The following IRAG1 variants were observed in gnomAD, a reference collection of about 807,000 sequenced individuals.
IRAG1 encodes the protein inositol 1,4,5-triphosphate receptor associated 1.
A neutral mutation model predicts 106.2 loss-of-function variants in IRAG1; 62 were observed. That is an observed-to-expected ratio of 0.58 (90% CI 0.48 to 0.72). IRAG1 has a LOEUF of 0.72. Among genes scored for constraint, IRAG1 ranks in the 30% least tolerant of loss-of-function variants. The pLI is 0.00. For missense variants in IRAG1, 1,064 were observed against 1,140.7 expected, an observed-to-expected ratio of 0.93 and a Z score of 0.97; for synonymous variants, 462 against 443.9, an observed-to-expected ratio of 1.04 and a Z score of -0.51.
intron 2 of IRAG1, among the ~76,000 whole-genome samples, chr11:10,636,754 T>C (rs542540210): frequency 6.6e-6 from 1 of 152,034 alleles, no homozygotes; most frequent in Admixed American, 6.6e-5. Flanking sequence ...GTGAGGGGAG[T>C]TAAAGAAGAC....
At chr11:10,671,974 G>A (rs1480191878) in intron 1 of IRAG1, among the ~76,000 whole-genome samples, 1 of 152,008 alleles carries the variant, frequency 6.6e-6, no homozygotes, top group Non-Finnish European at 1.5e-5. Context: ...TCGTAATATA[G>A]TATGATACTA....
chr11:10,588,052 C>T (rs372311987), intron 18 of IRAG1, among the ~76,000 whole-genome samples: 3 of 152,250 alleles, frequency 2.0e-5, no homozygotes, highest in South Asian at 2.1e-4. Context: ...TGGCATACAG[C>T]GAGGTGCAGC....
intron 1 of IRAG1, among the ~76,000 whole-genome samples, chr11:10,685,276 G>A (rs969400045): frequency 6.6e-6 from 1 of 151,986 alleles, no homozygotes; most frequent in African/African-American, 2.4e-5. Context: ...GTGAAACCCT[G>A]TCTCTACTAA....
intron 15 of IRAG1, chr11:10,595,626 A>T (rs1259783208): frequency 6.6e-6 from 1 of 152,208 alleles, no homozygotes; most frequent in African/African-American, 2.4e-5. Flanking sequence ...GTGCTTATTT[A>T]GATTTACCCA....
chr11:10,693,721 G>A lies in IRAG1; in HGVS notation c.-119C>T. ...GACTTAGAGCCGAGAGCTCCTCTGG[G>A]AGCCCCACTCCGGCCTGGCTCGGGG... is the stretch of plus-strand genomic sequence containing the variant. On this transcript the variant is annotated 5_prime_UTR_variant, in exon 1 of 21. Coordinates refer to ENST00000423302, the MANE Select transcript of IRAG1 (RefSeq NM_130385.4). 8.2e-7 allele frequency: 1 copy of A among 1,214,674 alleles called. No homozygotes were observed. The highest frequency in any genetic ancestry group is 1.1e-6 in the Non-Finnish European group (1 of 872,376). 75.2% of individuals were successfully genotyped at this position (1,214,674 alleles called of 1,614,324 possible). A position where few individuals can be genotyped will look rare whatever the true frequency, so the allele number is the denominator to read the frequency against.
At chr11:10,593,212 C>CCTTGGCAGATTGTGGTGTA in intron 17 of IRAG1, 1 of 240,376 alleles carries the variant, frequency 4.2e-6, no homozygotes, top group Non-Finnish European at 8.2e-6. Flanking sequence ...ATTGTAACCA[C>CCTTGGCAGATTGTGGTGTA]CTTGGCAGAT....
At chr11:10,668,268 G>A (rs1209422917) in intron 1 of IRAG1, among the ~76,000 whole-genome samples, 1 of 152,224 alleles carries the variant, frequency 6.6e-6, no homozygotes, top group Non-Finnish European at 1.5e-5. Context: ...GACTTTGGCT[G>A]TTGACTTTCA....
intron 10 of IRAG1, chr11:10,611,699 C>A (rs751237264): frequency 7.9e-5 from 12 of 152,200 alleles, no homozygotes; most frequent in Non-Finnish European, 1.5e-4. Context: ...TGTAGAGCTT[C>A]CACCCATGAT....
chr11:10,615,009 C>T (rs1470657924), intron 10 of IRAG1, among the ~76,000 whole-genome samples: 3 of 152,244 alleles, frequency 2.0e-5, no homozygotes, highest in East Asian at 1.9e-4. Flanking sequence ...ACCTACAGAA[C>T]AGGAGAAAAT....
intron 1 of IRAG1, among the ~76,000 whole-genome samples, chr11:10,663,401 T>C (rs1379923095): frequency 5.9e-5 from 9 of 152,168 alleles, no homozygotes; most frequent in Admixed American, 5.2e-4. Flanking sequence ...TAGGAATATA[T>C]GTAGGAACTG....
In IRAG1 at chr11:10,623,851, G is replaced by T. The variant is rs777672599; in HGVS notation, c.1374C>A (p.His458Gln). The T allele has an allele frequency of 1.2e-6, 2 of 1,613,726 alleles. No homozygotes were observed. Among genetic ancestry groups the T allele is most frequent in the South Asian group, 1.1e-5 (1 of 91,086 alleles). ...MQKLTKLREE[H>Q]ILMRNQNLVG... ...CTAAGTTCTGATTTCTCATCAGGAT[G>T]TGCTCCTTTGTGGTAAAAGAAAGAG... Residue 458 changes from histidine (H) to glutamine (Q), a missense_variant, in exon 10 of 21, where the codon CAC (histidine) becomes CAA (glutamine). Transcript: ENST00000423302.
At chr11:10,591,217 G>A (rs1564894396) in intron 18 of IRAG1, among the ~76,000 whole-genome samples, 1 of 152,188 alleles carries the variant, frequency 6.6e-6, no homozygotes, top group Admixed American at 6.5e-5. Context: ...CATACCAGGA[G>A]CAGCTCTACC....
intron 13 of IRAG1, 110 bp downstream of exon 13, chr11:10,604,295 T>G (rs1564903043): frequency 2.2e-6 from 3 of 1,391,466 alleles, no homozygotes; most frequent in East Asian, 2.4e-5. Context: ...TTGGCTCAAT[T>G]TTTCACTTCA....
intron 12 of IRAG1, among the ~76,000 whole-genome samples, 200 bp from the exon 13 acceptor site, chr11:10,604,745 T>C (rs1054392064): frequency 6.6e-6 from 1 of 152,254 alleles, no homozygotes; most frequent in African/African-American, 2.4e-5. Context: ...AGGTCCACGC[T>C]AGGCCCTTCC....
Position 10,627,746 on chromosome 11 carries a change from G to A in IRAG1, c.720C>T (p.Ala240=), listed in dbSNP as rs35296427. 0.017 allele frequency: 27,967 copies of A among 1,613,828 alleles called. 368 individuals carry two copies. The highest frequency in any genetic ancestry group is 0.057 in the African/African-American group (4,283 of 74,990). Residue 240 remains alanine, a synonymous_variant, in exon 8 of 21, where the codon GCC becomes GCT. Transcript: ENST00000423302. ...PGAPPQKGDE[A]DVSSPHPGEP... is the part of the protein sequence containing the mutation. ...CGCCAGGGTGAGGTGAAGAGACGTC[G>A]GCCTCATCCCCCTTCTGCTGGAGAA... is the stretch of plus-strand genomic sequence containing the variant.
At chr11:10,625,310 G>A (rs1189899428) in intron 9 of IRAG1, among the ~76,000 whole-genome samples, 1 of 152,150 alleles carries the variant, frequency 6.6e-6, no homozygotes, top group Non-Finnish European at 1.5e-5. Context: ...AGACAGGACT[G>A]GTCAGAATTG....
chr11:10,583,421 G>A lies in IRAG1; in HGVS notation c.2241-1435C>T, dbSNP rs574192642. 6.6e-5 allele frequency among the ~76,000 whole-genome samples: 10 copies of A among 152,252 alleles called. No homozygotes were observed. The East Asian group carries it at 7.7e-4, about 12-fold the overall frequency. On this transcript the variant is annotated intron_variant, in intron 18 of 20. Transcript: ENST00000423302. ...CCAGGAGACAAGAGCTCATCAAGGC[G>A]GAAGAGTAAACAGTGCCACACACTT...
At chr11:10,680,368 A>AGAAAGAAG (rs1186897932) in intron 1 of IRAG1, among the ~76,000 whole-genome samples, 11 of 80,946 alleles carry the variant, frequency 1.4e-4, no homozygotes, top group South Asian at 5.5e-4. Flanking sequence ...AAAGAAAGAA[A>AGAAAGAAG]GAAGGAAGGA....
intron 10 of IRAG1, among the ~76,000 whole-genome samples, chr11:10,622,334 C>T (rs1855897672): frequency 1.3e-5 from 2 of 152,004 alleles, no homozygotes; most frequent in South Asian, 4.2e-4. Context: ...GGGTGAGTGG[C>T]CACAGAGAAG....
Sources: allele counts gnomAD v4.1 joint callset (sites outside exome capture counted in the v4.1 genomes callset), GRCh38; gene constraint gnomAD v4.1.1; transcripts MANE v1.5; gene names NCBI Gene and HGNC (gene_info 2026-07-23, HGNC 2026-07-21).